RMDN1: variants seen among roughly 807,000 people sequenced by gnomAD.
RMDN1 encodes the protein regulator of microtubule dynamics protein 1.
A neutral mutation model predicts 48.9 loss-of-function variants in RMDN1; 48 were observed. The ratio of observed to expected loss-of-function variants is 0.98; its 90% CI spans 0.78 to 1.25. The LOEUF is 1.25. Among genes scored for constraint, RMDN1 ranks in the 50% most tolerant of loss-of-function variants. The pLI is 0.00. For synonymous variants in RMDN1, 148 were observed against 132.6 expected, an observed-to-expected ratio of 1.12 and a Z score of -0.80; for missense variants, 418 against 373.4, an observed-to-expected ratio of 1.12 and a Z score of -0.98.
At chr8:86,471,285 C>T (rs1298110056), downstream of RMDN1, among the ~76,000 whole-genome samples, 1 of 150,224 alleles carries the variant, frequency 6.7e-6, no homozygotes, top group Non-Finnish European at 1.5e-5. Context: ...TCACAAAAAA[C>T]AAACAACTAA....
intron 2 of RMDN1, among the ~76,000 whole-genome samples, chr8:86,499,859 G>A (rs764388384): frequency 2.0e-5 from 3 of 152,120 alleles, no homozygotes; most frequent in Non-Finnish European, 2.9e-5. Context: ...CATGGAACAG[G>A]TTAGAGAACT....
chr8:86,481,186 A>G (rs1267897514), intron 5 of RMDN1, among the ~76,000 whole-genome samples: 3 of 152,228 alleles, frequency 2.0e-5, no homozygotes, highest in Non-Finnish European at 4.4e-5. Context: ...AATGGTTAAG[A>G]GCATGGTCTC....
intron 2 of RMDN1, among the ~76,000 whole-genome samples, chr8:86,490,218 G>A (rs1816266790): frequency 1.3e-5 from 2 of 152,216 alleles, no homozygotes; most frequent in South Asian, 4.1e-4. Flanking sequence ...GTAGAATAAT[G>A]GCCCCCAAAG....
chr8:86,492,705 G>A (rs983247959), intron 2 of RMDN1, among the ~76,000 whole-genome samples: 3 of 150,744 alleles, frequency 2.0e-5, no homozygotes, highest in Non-Finnish European at 4.4e-5. Flanking sequence ...ATAATGAAAC[G>A]TTCCCACAGG....
chr8:86,480,328 GCTTT>G lies in RMDN1; in HGVS notation c.586_589del (p.Lys196GlnfsTer4). On this transcript the variant is annotated frameshift_variant and splice_region_variant, in exon 6 of 10. Transcript: ENST00000406452. LOFTEE classifies it high-confidence loss of function. ...AGCATCTTTAGGGTTCAGTTCAATT[GCTTT>G]CTAACAAGAAATGAGAAAAATAAAT... 3 of 1,518,718 alleles carry G rather than the reference GCTTT, an allele frequency of 2.0e-6. No homozygotes were observed. Among genetic ancestry groups the G allele is most frequent in the Admixed American group, 1.9e-5 (1 of 53,942 alleles). The allele number at this position is 1,518,718 out of a possible 1,614,324, so 94.1% of individuals were successfully genotyped here.
At chr8:86,481,903 G>T in intron 5 of RMDN1, 1 of 781,568 alleles carries the variant, frequency 1.3e-6, no homozygotes, top group Non-Finnish European at 2.1e-6. Flanking sequence ...ACAAAGTGGG[G>T]TGGCTCGGCC....
At chr8:86,511,212 C>T (rs182732066), upstream of RMDN1, among the ~76,000 whole-genome samples, 4 of 151,758 alleles carry the variant, frequency 2.6e-5, no homozygotes, top group South Asian at 4.2e-4. Context: ...CGGTGGCTCA[C>T]GCCTGTAATC....
intron 2 of RMDN1, among the ~76,000 whole-genome samples, chr8:86,489,848 G>A (rs975101664): frequency 6.7e-6 from 1 of 149,030 alleles, no homozygotes; most frequent in Non-Finnish European, 1.5e-5. Flanking sequence ...AAAGGGGGGG[G>A]ATGGGGGTAG....
intron 8 of RMDN1, among the ~76,000 whole-genome samples, chr8:86,475,358 C>T (rs968226467): frequency 1.3e-5 from 2 of 151,990 alleles, no homozygotes; most frequent in African/African-American, 2.4e-5. Context: ...CAGTGTACAT[C>T]GGCTGAATAA....
At chr8:86,486,425 G>T in intron 4 of RMDN1, 59 bp downstream of exon 4, 1 of 1,221,004 alleles carries the variant, frequency 8.2e-7, no homozygotes, top group Non-Finnish European at 1.1e-6. Context: ...AGAGATAATA[G>T]AAAAATATAG....
rs145457394 is a variant in RMDN1, at chr8:86,480,747, A to G, written c.586-415T>C. 3.5e-3 allele frequency among the ~76,000 whole-genome samples: 534 copies of G among 152,236 alleles called. 5 individuals are homozygous for G. Among genetic ancestry groups the G allele is most frequent in the African/African-American group, 0.012 (504 of 41,580 alleles). ...AAAGTCATTCTTTCCTAAAGAAGAA[A>G]AGTGCATTTTAGTTTTTTAGAAAAA... On this transcript the variant is annotated intron_variant, in intron 5 of 9. Coordinates refer to ENST00000406452, the MANE Select transcript of RMDN1 (RefSeq NM_016033.3).
chr8:86,470,515 G>A, downstream of RMDN1: 2 of 948,898 alleles, frequency 2.1e-6, no homozygotes, highest in Non-Finnish European at 2.8e-6. Flanking sequence ...GGGGAAAAAT[G>A]AAGATAAAAG....
Position 86,484,695 on chromosome 8 carries a change from A to G in RMDN1, c.585+177T>C, listed in dbSNP as rs1815156228. 1.2e-5 allele frequency: 5 copies of G among 428,788 alleles called. No individual in the cohort carries two copies. In the South Asian group the frequency reaches 1.4e-4, roughly 12 times the overall value. 26.6% of individuals were successfully genotyped at this position (428,788 alleles called of 1,614,324 possible). ...ATAGCACCATTGCACTCTAGCCCGG[A>G]TGACAAGAGCGAAACTCCGTCTCAA... On this transcript the variant is annotated intron_variant, in intron 5 of 9. Coordinates refer to ENST00000406452, the MANE Select transcript of RMDN1 (RefSeq NM_016033.3).
intron 2 of RMDN1, among the ~76,000 whole-genome samples, chr8:86,503,385 A>AAAAAAAAAAAAAAAAAAAAAAC (rs1554594088): frequency 2.5e-5 from 2 of 81,088 alleles, no homozygotes; most frequent in African/African-American, 1.4e-4. Context: ...AAAAAAAAAA[A>AAAAAAAAAAAAAAAAAAAAAAC]AAAACAAAAA....
At chr8:86,475,929 T>C (rs1368637084) in intron 8 of RMDN1, among the ~76,000 whole-genome samples, 1 of 152,176 alleles carries the variant, frequency 6.6e-6, no homozygotes, top group Non-Finnish European at 1.5e-5. Context: ...GAGTGTGCAA[T>C]TGTGAGCCAG....
chr8:86,504,846 G>A lies in RMDN1; in HGVS notation c.247+2149C>T, dbSNP rs1173829528. On this transcript the variant is annotated intron_variant, in intron 2 of 9. Transcript: ENST00000406452. ...AGTCGGACTGCTCTTCCCCTCTGCTGCTTATTATTTAGGAGCCTGTATTTT... is the reference window on the plus strand; with the variant it reads ...AGTCGGACTGCTCTTCCCCTCTGCTACTTATTATTTAGGAGCCTGTATTTT... 1.2e-5 allele frequency: 13 copies of A among 1,070,406 alleles called. No homozygotes were observed. In the African/African-American group the frequency reaches 1.7e-4, roughly 14 times the overall value. The allele number at this position is 1,070,406 out of a possible 1,614,324, so 66.3% of individuals were successfully genotyped here.
chr8:86,480,410 C>G, intron 5 of RMDN1, 78 bp from the exon 6 acceptor site: 1 of 774,750 alleles, frequency 1.3e-6, no homozygotes, highest in Non-Finnish European at 2.0e-6. Flanking sequence ...GCTGAAGAAG[C>G]CATGATTTTT....
At chr8:86,507,259 A>G in intron 1 of RMDN1, 147 bp from the exon 2 acceptor site, 1 of 579,662 alleles carries the variant, frequency 1.7e-6, no homozygotes, top group Non-Finnish European at 3.1e-6. Flanking sequence ...CAAAATCTTT[A>G]GTAAAACTAT....
At chr8:86,476,947 T>C (rs556225440) in intron 8 of RMDN1, among the ~76,000 whole-genome samples, 1 of 152,268 alleles carries the variant, frequency 6.6e-6, no homozygotes, top group South Asian at 2.1e-4. Context: ...GTGATCCTTC[T>C]GCCTTGGCCT....
Sources: gnomAD v4.1 joint callset for allele counts (sites outside exome capture counted in the v4.1 genomes callset) on GRCh38, gnomAD v4.1.1 for gene constraint, MANE v1.5 for transcripts, NCBI Gene and HGNC (gene_info 2026-07-23, HGNC 2026-07-21) for gene names.